CSMD3: variants seen among roughly 807,000 people sequenced by gnomAD.
CSMD3 encodes the protein CUB and sushi domain-containing protein 3.
A neutral mutation model predicts 435.2 loss-of-function variants in CSMD3; 177 were observed. The observed-to-expected ratio is 0.41, with a 90% CI of 0.36 to 0.46. The LOEUF (loss-of-function observed/expected upper bound fraction) is 0.46. Ranked by LOEUF, CSMD3 falls within the 20% of genes least tolerant of loss-of-function variation. CSMD3 has a pLI of 0.34. For missense variants in CSMD3, 4,265 were observed against 4,504.6 expected, an observed-to-expected ratio of 0.95 and a Z score of 1.52; for synonymous variants, 1,656 against 1,520.5, an observed-to-expected ratio of 1.09 and a Z score of -2.07.
At chr8:112,282,072 G>T (rs1314490087) in intron 58 of CSMD3, among the ~76,000 whole-genome samples, 3 of 151,930 alleles carry the variant, frequency 2.0e-5, no homozygotes, top group Non-Finnish European at 4.4e-5. Flanking sequence ...TATATCAAAC[G>T]TAATACTTAA....
At chr8:112,707,421 C>A (rs1264502053) in intron 13 of CSMD3, among the ~76,000 whole-genome samples, 10 of 150,594 alleles carry the variant, frequency 6.6e-5, no homozygotes, top group Middle Eastern at 3.4e-3. Context: ...ACCTAATAAA[C>A]CATTATTGAG....
intron 13 of CSMD3, among the ~76,000 whole-genome samples, chr8:112,757,839 A>G (rs1355385250): frequency 6.6e-6 from 1 of 151,852 alleles, no homozygotes; most frequent in Non-Finnish European, 1.5e-5. Context: ...GGATTGCTTG[A>G]TCCCAAGAGT....
chr8:113,142,527 A>G (rs1333767002), intron 4 of CSMD3, among the ~76,000 whole-genome samples: 1 of 151,198 alleles, frequency 6.6e-6, no homozygotes, highest in Non-Finnish European at 1.5e-5. Context: ...AAGAAAGATA[A>G]CCATTTCAAC....
intron 10 of CSMD3, among the ~76,000 whole-genome samples, chr8:112,905,339 C>T (rs971386020): frequency 6.7e-6 from 1 of 150,234 alleles, no homozygotes; most frequent in Non-Finnish European, 1.5e-5. Flanking sequence ...CACACACACA[C>T]ATATATATCA....
chr8:112,389,464 C>G (rs1445734302), intron 36 of CSMD3, among the ~76,000 whole-genome samples: 1 of 152,134 alleles, frequency 6.6e-6, no homozygotes, highest in African/African-American at 2.4e-5. Context: ...TATAAACTAG[C>G]AAGAATGTAA....
intron 32 of CSMD3, among the ~76,000 whole-genome samples, chr8:112,469,734 C>T (rs964162229): frequency 4.6e-5 from 7 of 152,140 alleles, no homozygotes; most frequent in African/African-American, 1.7e-4. Flanking sequence ...TCCTGCTGTG[C>T]GGCCCAGTTC....
chr8:113,033,175 T>C (rs1206335928), intron 5 of CSMD3, among the ~76,000 whole-genome samples: 6 of 151,626 alleles, frequency 4.0e-5, no homozygotes, highest in Admixed American at 3.9e-4. Flanking sequence ...GAGTCCTCAC[T>C]GGGGCACTGC....
chr8:113,272,149 A>C (rs1439268244), intron 3 of CSMD3, among the ~76,000 whole-genome samples: 1 of 152,062 alleles, frequency 6.6e-6, no homozygotes, highest in Non-Finnish European at 1.5e-5. Context: ...CAAGCGACTT[A>C]CCTTGTTTCA....
At chr8:112,312,391 A>G (rs563092810) in intron 49 of CSMD3, among the ~76,000 whole-genome samples, 27 of 152,116 alleles carry the variant, frequency 1.8e-4, no homozygotes, top group Admixed American at 1.6e-3. Context: ...AGTAGGTAGG[A>G]TTACAGGTGC....
Position 112,529,553 on chromosome 8 carries a change from A to G in CSMD3, c.4565-12328T>C, listed in dbSNP as rs547834884. On this transcript the variant is annotated intron_variant, in intron 27 of 70. Transcript: ENST00000297405. ...CCGTGAGCTGTAAGCATGCCGCTGC[A>G]CTCCAGCCTGGATGACAGAGCAAGA... is the stretch of plus-strand genomic sequence containing the variant. Among the ~76,000 whole-genome samples, 6 of 152,172 alleles carry G rather than the reference A, an allele frequency of 3.9e-5. No homozygotes were observed. The South Asian group carries it at 1.0e-3, about 26-fold the overall frequency.
chr8:112,879,060 G>C, intron 10 of CSMD3, among the ~76,000 whole-genome samples: 1 of 152,092 alleles, frequency 6.6e-6, no homozygotes, highest in East Asian at 1.9e-4. Context: ...TGATGTTCAG[G>C]GAACAGGGGA....
At chr8:113,222,034 A>C (rs2092973313) in intron 3 of CSMD3, among the ~76,000 whole-genome samples, 1 of 63,804 alleles carries the variant, frequency 1.6e-5, no homozygotes, top group Admixed American at 1.2e-4. Flanking sequence ...AGGTTAAGTA[A>C]ATGCATGAAG....
At chr8:112,834,325 C>T (rs552490465) in intron 11 of CSMD3, among the ~76,000 whole-genome samples, 1 of 151,870 alleles carries the variant, frequency 6.6e-6, no homozygotes, top group Non-Finnish European at 1.5e-5. Flanking sequence ...ATAATACATT[C>T]ATTTTAGTTT....
intron 35 of CSMD3, among the ~76,000 whole-genome samples, chr8:112,396,179 G>T (rs1016196543): frequency 6.6e-6 from 1 of 152,036 alleles, no homozygotes; most frequent in African/African-American, 2.4e-5. Flanking sequence ...GTAATAATAA[G>T]AACTGTGAAA....
chr8:112,509,480 A>G (rs1415074963), intron 28 of CSMD3, among the ~76,000 whole-genome samples: 2 of 152,122 alleles, frequency 1.3e-5, no homozygotes, highest in Non-Finnish European at 2.9e-5. Flanking sequence ...TCCCAATACA[A>G]ACATTTCTTA....
rs141438237 is a variant in CSMD3, at chr8:112,310,981, G to A, written c.7882C>T (p.Gln2628Ter). The A allele has an allele frequency of 6.2e-7, 1 of 1,613,208 alleles. No individual in the cohort carries two copies. The highest frequency in any genetic ancestry group is 1.3e-5 in the African/African-American group (1 of 74,866). Residue 2628 changes from glutamine to a stop codon, truncating the protein, a stop_gained, in exon 50 of 71, where the codon CAA becomes TAA. Transcript: ENST00000297405. LOFTEE classifies it high-confidence loss of function. ...HAWDAPVPAC[Q>*]AISCGIPKAP... is the part of the protein sequence containing the mutation. ...ATTTTGGCATAATATACTTCACCTT[G>A]ACAGGCAGGGACTGGCGCATCCCAT... is the stretch of plus-strand genomic sequence containing the variant.
chr8:112,585,614 G>A (rs1830664656), intron 23 of CSMD3, among the ~76,000 whole-genome samples: 1 of 151,494 alleles, frequency 6.6e-6, no homozygotes, highest in African/African-American at 2.4e-5. Context: ...AATAATACCA[G>A]TATAGGAAAG....
At chr8:113,291,662 C>T (rs1293208928) in intron 2 of CSMD3, among the ~76,000 whole-genome samples, 1 of 151,770 alleles carries the variant, frequency 6.6e-6, no homozygotes, top group Non-Finnish European at 1.5e-5. Flanking sequence ...GATGTTTGTT[C>T]CCCTACGAGT....
At chr8:112,297,938 T>C (rs1471796495) in intron 53 of CSMD3, among the ~76,000 whole-genome samples, 2 of 151,734 alleles carry the variant, frequency 1.3e-5, no homozygotes, top group African/African-American at 4.8e-5. Flanking sequence ...CTGGGCAACA[T>C]AGCAAGACCC....
Sources: allele counts gnomAD v4.1 joint callset (sites outside exome capture counted in the v4.1 genomes callset), GRCh38; gene constraint gnomAD v4.1.1; transcripts MANE v1.5; gene names NCBI Gene and HGNC (gene_info 2026-07-23, HGNC 2026-07-21).